The following PCCA variants were observed in gnomAD, a reference collection of about 807,000 sequenced individuals.
The protein encoded by PCCA is propionyl-CoA carboxylase subunit alpha, also known as propionyl-CoA carboxylase alpha chain, mitochondrial.
A neutral mutation model predicts 101.3 loss-of-function variants in PCCA; 74 were observed. The ratio of observed to expected loss-of-function variants is 0.73; its 90% CI spans 0.61 to 0.89. The LOEUF (loss-of-function observed/expected upper bound fraction) is 0.89. PCCA is among the 40% of genes least tolerant of loss of function. PCCA has a pLI of 0.00. For missense variants in PCCA, 891 were observed against 907.0 expected, an observed-to-expected ratio of 0.98 and a Z score of 0.23; for synonymous variants, 294 against 313.6, an observed-to-expected ratio of 0.94 and a Z score of 0.66.
chr13:100,430,771 A>G (rs2079493123), intron 20 of PCCA, among the ~76,000 whole-genome samples: 1 of 151,964 alleles, frequency 6.6e-6, no homozygotes, highest in Non-Finnish European at 1.5e-5. Flanking sequence ...GTGCTTTCTC[A>G]TTCCTGCATG....
intron 6 of PCCA, among the ~76,000 whole-genome samples, chr13:100,191,764 A>G (rs1479697686): frequency 6.6e-6 from 1 of 152,238 alleles, no homozygotes. Context: ...ACATACACCC[A>G]AGGAAGTCAC....
intron 10 of PCCA, among the ~76,000 whole-genome samples, chr13:100,265,043 A>T (rs2062834916): frequency 6.6e-6 from 1 of 152,196 alleles, no homozygotes; most frequent in Non-Finnish European, 1.5e-5. Context: ...TTAGATTTTT[A>T]AAAATTACTG....
chr13:100,388,678 C>T (rs2076648929), intron 19 of PCCA, among the ~76,000 whole-genome samples: 2 of 152,120 alleles, frequency 1.3e-5, no homozygotes, highest in Non-Finnish European at 2.9e-5. Context: ...CACCTGTAGT[C>T]CCAGCTACTT....
intron 18 of PCCA, among the ~76,000 whole-genome samples, chr13:100,346,017 C>T (rs1199004582): frequency 6.6e-6 from 1 of 151,964 alleles, no homozygotes; most frequent in Non-Finnish European, 1.5e-5. Context: ...GATTGCTGCT[C>T]ATTGACAGTG....
At chr13:100,481,182 AG>A (rs2083890646) in intron 21 of PCCA, 1 of 152,296 alleles carries the variant, frequency 6.6e-6, no homozygotes, top group Non-Finnish European at 1.5e-5. Flanking sequence ...TTTTAACTAA[AG>A]GAAGGACTTC....
intron 9 of PCCA, among the ~76,000 whole-genome samples, chr13:100,260,230 T>C (rs2062394160): frequency 6.6e-6 from 1 of 152,150 alleles, no homozygotes; most frequent in Non-Finnish European, 1.5e-5. Context: ...TGGAGGACTT[T>C]ATTCCCCTAA....
At chr13:100,211,925 A>G (rs550387136) in intron 7 of PCCA, among the ~76,000 whole-genome samples, 9 of 152,128 alleles carry the variant, frequency 5.9e-5, no homozygotes, top group African/African-American at 1.9e-4. Flanking sequence ...TATTTTGTAG[A>G]GACGGGGGTC....
At chr13:100,120,560 G>T (rs1309359547) in intron 4 of PCCA, among the ~76,000 whole-genome samples, 6 of 152,066 alleles carry the variant, frequency 3.9e-5, no homozygotes, top group Non-Finnish European at 7.4e-5. Context: ...CTGATCTAGA[G>T]CAGTCTTAAA....
At chr13:100,298,600 C>G (rs1289745484) in intron 12 of PCCA, among the ~76,000 whole-genome samples, 1 of 10,000 alleles carries the variant, frequency 1.0e-4, no homozygotes, top group Non-Finnish European at 1.6e-4. Flanking sequence ...TTCCCTCCCT[C>G]CCTCCCTCCC....
intron 22 of PCCA, among the ~76,000 whole-genome samples, chr13:100,523,435 G>C (rs939922158): frequency 6.6e-6 from 1 of 152,078 alleles, no homozygotes; most frequent in Non-Finnish European, 1.5e-5. Flanking sequence ...TCATTTTGCC[G>C]ACCATGGCAA....
intron 16 of PCCA, among the ~76,000 whole-genome samples, chr13:100,312,272 AG>A (rs2066980402): frequency 6.6e-6 from 1 of 152,240 alleles, no homozygotes; most frequent in African/African-American, 2.4e-5. Context: ...TGGGAGTTTA[AG>A]GAAGAGGCTA....
chr13:100,165,052 A>G (rs1273310680), intron 6 of PCCA, among the ~76,000 whole-genome samples: 2 of 152,116 alleles, frequency 1.3e-5, no homozygotes, highest in East Asian at 1.9e-4. Flanking sequence ...GATATACCAT[A>G]TTTTGTTTCT....
At chr13:100,264,184 ATAT>A (rs2062770208) in intron 10 of PCCA, among the ~76,000 whole-genome samples, 2 of 54,782 alleles carry the variant, frequency 3.7e-5, no homozygotes, top group African/African-American at 5.9e-5. Context: ...TATATATGTG[ATAT>A]CTGTATATCA....
intron 18 of PCCA, among the ~76,000 whole-genome samples, chr13:100,353,237 G>C (rs952685031): frequency 2.6e-5 from 4 of 152,208 alleles, no homozygotes; most frequent in Non-Finnish European, 5.9e-5. Flanking sequence ...CAGCAAGGAA[G>C]TAAAAGTGTC....
intron 16 of PCCA, among the ~76,000 whole-genome samples, chr13:100,328,991 CTTT>C (rs534310079): frequency 1.5e-4 from 14 of 96,330 alleles, no homozygotes; most frequent in Non-Finnish European, 1.5e-4. Flanking sequence ...CGCGCCTGGA[CTTT>C]TTTTTTTTTT....
chr13:100,184,683 A>G (rs2057092161), intron 6 of PCCA, among the ~76,000 whole-genome samples: 1 of 152,240 alleles, frequency 6.6e-6, no homozygotes, highest in Non-Finnish European at 1.5e-5. Context: ...AGGTAAATGA[A>G]TGGGTATGGC....
intron 22 of PCCA, among the ~76,000 whole-genome samples, chr13:100,525,773 G>T (rs1297363076): frequency 6.6e-6 from 1 of 152,206 alleles, no homozygotes; most frequent in Non-Finnish European, 1.5e-5. Flanking sequence ...GGGGGACGGG[G>T]CTCTGGCCAG....
At chr13:100,451,740 T>TCTCTCTC (rs2081264960) in intron 21 of PCCA, among the ~76,000 whole-genome samples, 1 of 59,266 alleles carries the variant, frequency 1.7e-5, no homozygotes, top group African/African-American at 7.7e-5. Context: ...CTCTCTCTCT[T>TCTCTCTC]CTCTCCTTCC....
At chr13:100,455,804 A>G (rs1468499859) in intron 21 of PCCA, among the ~76,000 whole-genome samples, 1 of 151,992 alleles carries the variant, frequency 6.6e-6, no homozygotes, top group Admixed American at 6.6e-5. Context: ...GGTTCAAGCA[A>G]TTCTTCTGTC....
Sources: allele counts gnomAD v4.1 joint callset (sites outside exome capture counted in the v4.1 genomes callset), GRCh38; gene constraint gnomAD v4.1.1; transcripts MANE v1.5; gene names NCBI Gene and HGNC (gene_info 2026-07-23, HGNC 2026-07-21).